Variants in AFF3 observed in about 807,000 individuals in gnomAD.
AFF3 encodes ALF transcription elongation factor 3, also known as AF4/FMR2 family member 3.
Under a neutral mutation model 129.7 loss-of-function variants are expected in AFF3, and 32 were observed. That is an observed-to-expected ratio of 0.25 (90% CI 0.19 to 0.33). The LOEUF (loss-of-function observed/expected upper bound fraction) is 0.33. AFF3 is among the 10% of genes least tolerant of loss of function. The pLI is 1.00. For synonymous variants in AFF3, 644 were observed against 635.4 expected, an observed-to-expected ratio of 1.01 and a Z score of -0.20; for missense variants, 1,373 against 1,592.0, an observed-to-expected ratio of 0.86 and a Z score of 2.34.
chr2:99,989,783 T>C (rs1680174186), intron 7 of AFF3, among the ~76,000 whole-genome samples: 1 of 152,234 alleles, frequency 6.6e-6, no homozygotes, highest in Non-Finnish European at 1.5e-5. Flanking sequence ...CAAAATATGA[T>C]ATTCTCTTTC....
At chr2:100,053,111 A>G (rs900885399) in intron 4 of AFF3, among the ~76,000 whole-genome samples, 35 of 152,230 alleles carry the variant, frequency 2.3e-4, no homozygotes, top group African/African-American at 8.4e-4. Context: ...ACAACAGGTA[A>G]TCAAAAAGTC....
At chr2:99,969,288 C>T (rs1306407211) in intron 7 of AFF3, among the ~76,000 whole-genome samples, 1 of 152,138 alleles carries the variant, frequency 6.6e-6, no homozygotes, top group African/African-American at 2.4e-5. Flanking sequence ...GACTAGTGAC[C>T]TCAGTTCACT....
intron 4 of AFF3, among the ~76,000 whole-genome samples, chr2:100,023,697 C>A (rs769547660): frequency 5.3e-5 from 8 of 152,050 alleles, no homozygotes; most frequent in Admixed American, 2.0e-4. Flanking sequence ...TGTGCCTTAC[C>A]CCCTCATCTC....
At position 99,837,545 on chromosome 2, in the gene AFF3, A is replaced by AT. The variant is rs765248007; in HGVS notation, c.874-22dup. On this transcript the variant is annotated intron_variant, in intron 7 of 24. Transcript: ENST00000672756. ...CTCTCCTGAAAGCAAAGAAAAAAAA[A>AT]TTAAGCCTGATGGAATAGATTGATG... The AT allele has an allele frequency of 3.0e-5, 49 of 1,608,880 alleles. No homozygotes were observed. In the South Asian group the frequency reaches 5.1e-4, roughly 17 times the overall value.
At chr2:99,771,689 T>C (rs1353106273) in intron 8 of AFF3, among the ~76,000 whole-genome samples, 1 of 152,136 alleles carries the variant, frequency 6.6e-6, no homozygotes, top group East Asian at 1.9e-4. Context: ...GAACTCGGAA[T>C]GAGGAGACGT....
intron 13 of AFF3, among the ~76,000 whole-genome samples, chr2:99,615,209 T>C (rs1468472565): frequency 6.6e-6 from 1 of 152,212 alleles, no homozygotes; most frequent in Non-Finnish European, 1.5e-5. Context: ...CGAACATGAA[T>C]TAGGCTGGGA....
At chr2:100,116,929 T>C (rs1344760795) in intron 2 of AFF3, among the ~76,000 whole-genome samples, 1 of 152,178 alleles carries the variant, frequency 6.6e-6, no homozygotes, top group Non-Finnish European at 1.5e-5. Context: ...ACATTTATAA[T>C]TGAAGAGTAT....
At chr2:99,577,280 T>A (rs900458020) in intron 18 of AFF3, among the ~76,000 whole-genome samples, 11 of 152,238 alleles carry the variant, frequency 7.2e-5, no homozygotes, top group Non-Finnish European at 1.3e-4. Context: ...CGGGTGGCAG[T>A]TAGGGATGGA....
At chr2:99,874,521 C>T (rs1692138374) in intron 7 of AFF3, among the ~76,000 whole-genome samples, 1 of 151,960 alleles carries the variant, frequency 6.6e-6, no homozygotes, top group Non-Finnish European at 1.5e-5. Flanking sequence ...TTGTTTTTTC[C>T]TAATGATACT....
At chr2:100,037,717 T>TA (rs1685072172) in intron 4 of AFF3, among the ~76,000 whole-genome samples, 1 of 127,766 alleles carries the variant, frequency 7.8e-6, no homozygotes, top group Admixed American at 9.7e-5. Flanking sequence ...TATTTATATA[T>TA]TATATATATT....
chr2:99,648,918 C>CTCTCTCTCTCTCTCTCTCTCTCTT (rs1684970074), intron 13 of AFF3, among the ~76,000 whole-genome samples: 1 of 64,114 alleles, frequency 1.6e-5, no homozygotes, highest in African/African-American at 4.8e-5. Context: ...CACACACACA[C>CTCTCTCTCTCTCTCTCTCTCTCTT]TCTCTCTCTC....
Position 99,906,661 on chromosome 2 carries a change from A to C in AFF3, c.874-69137T>G, listed in dbSNP as rs1169724510. ...TTAAAAGGTTCTAAGGGCAGAAATG[A>C]GGATTCCCTGAAGAAGAAGAAATTC... On this transcript the variant is annotated intron_variant, in intron 7 of 24. Coordinates refer to ENST00000672756, the MANE Select transcript of AFF3 (RefSeq NM_001386135.1). Among the ~76,000 whole-genome samples, 5 of 152,250 alleles carry C rather than the reference A, an allele frequency of 3.3e-5. No individual in the cohort carries two copies. In the East Asian group the frequency reaches 7.7e-4, roughly 23 times the overall value.
In AFF3 at chr2:99,753,955, G is replaced by T. The variant is rs17351500; in HGVS notation, c.922-1654C>A. On this transcript the variant is annotated intron_variant, in intron 8 of 24. Transcript: ENST00000672756. ...TGATAAGCAGGACTGTCAAGTTTGC[G>T]TCCACAGTGGCATCTTTGTCCATGG... Among the ~76,000 whole-genome samples, 146 of 152,242 alleles carry T rather than the reference G, an allele frequency of 9.6e-4. 3 individuals are homozygous for T. The highest frequency in any genetic ancestry group is 6.8e-3 in the Middle Eastern group (2 of 294).
intron 4 of AFF3, among the ~76,000 whole-genome samples, chr2:100,037,810 T>C (rs1306449625): frequency 7.3e-6 from 1 of 137,844 alleles, no homozygotes; most frequent in Non-Finnish European, 1.5e-5. Flanking sequence ...ATATAATATA[T>C]AAAATATATA....
At chr2:99,749,620 ATAAACTGTTCAGT>A (rs1209431202) in intron 9 of AFF3, among the ~76,000 whole-genome samples, 1 of 152,224 alleles carries the variant, frequency 6.6e-6, no homozygotes, top group Non-Finnish European at 1.5e-5. Context: ...TACACACTGA[ATAAACTGTTCAGT>A]TAAATTCCCC....
At chr2:99,689,101 C>T (rs562010953) in intron 11 of AFF3, among the ~76,000 whole-genome samples, 3 of 152,158 alleles carry the variant, frequency 2.0e-5, no homozygotes, top group Non-Finnish European at 4.4e-5. Flanking sequence ...GAATTCCTCC[C>T]TTTCTCCATC....
chr2:99,930,436 G>T (rs539585277), intron 7 of AFF3, among the ~76,000 whole-genome samples: 2 of 152,132 alleles, frequency 1.3e-5, no homozygotes, highest in Non-Finnish European at 2.9e-5. Context: ...TGTACCATGC[G>T]GTCAGCCAAA....
intron 8 of AFF3, among the ~76,000 whole-genome samples, chr2:99,810,431 G>C (rs1686698680): frequency 6.6e-6 from 1 of 152,208 alleles, no homozygotes; most frequent in Non-Finnish European, 1.5e-5. Context: ...ACAGGGCACA[G>C]AGCAATAAAC....
At chr2:100,124,171 A>G (rs904611059) in intron 2 of AFF3, among the ~76,000 whole-genome samples, 1 of 152,226 alleles carries the variant, frequency 6.6e-6, no homozygotes, top group African/African-American at 2.4e-5. Context: ...ATCGAAAACT[A>G]TGAGAGAGAT....
Sources: gnomAD v4.1 joint callset for allele counts (sites outside exome capture counted in the v4.1 genomes callset) on GRCh38, gnomAD v4.1.1 for gene constraint, MANE v1.5 for transcripts, NCBI Gene and HGNC (gene_info 2026-07-23, HGNC 2026-07-21) for gene names.